PPM1B: variants seen among roughly 807,000 people sequenced by gnomAD.
PPM1B encodes protein phosphatase 1B.
Under a neutral mutation model 43.0 loss-of-function variants are expected in PPM1B, and 22 were observed. That is an observed-to-expected ratio of 0.51 (90% CI 0.37 to 0.73). The LOEUF (loss-of-function observed/expected upper bound fraction) is 0.73, where lower values mean the gene tolerates loss of function less well. Among genes scored for constraint, PPM1B ranks in the 30% least tolerant of loss-of-function variants. The pLI is 0.00. For synonymous variants in PPM1B, 217 were observed against 197.9 expected (o/e 1.10, Z -0.81); for missense variants, 632 against 584.2 (o/e 1.08, Z -0.84).
intron 3 of PPM1B, among the ~76,000 whole-genome samples, chr2:44,217,249 A>G (rs1223552676): frequency 6.6e-6 from 1 of 151,952 alleles, no homozygotes; most frequent in Non-Finnish European, 1.5e-5. Context: ...AAAATACAAA[A>G]TTAGCCAGGC....
At chr2:44,179,730 C>G (rs995600858) in intron 1 of PPM1B, among the ~76,000 whole-genome samples, 1 of 151,970 alleles carries the variant, frequency 6.6e-6, no homozygotes, top group Non-Finnish European at 1.5e-5. Flanking sequence ...TTAACCTGGC[C>G]GGGCATGGTG....
chr2:44,191,991 T>TG (rs1484752223), intron 1 of PPM1B, among the ~76,000 whole-genome samples: 1 of 152,104 alleles, frequency 6.6e-6, no homozygotes, highest in Non-Finnish European at 1.5e-5. Flanking sequence ...CTCTAATAGC[T>TG]GTTAGTTTCA....
intron 1 of PPM1B, among the ~76,000 whole-genome samples, chr2:44,190,009 T>C (rs1369844630): frequency 2.6e-5 from 4 of 152,236 alleles, no homozygotes; most frequent in Non-Finnish European, 2.9e-5. Context: ...ATGTGGATTA[T>C]ATCGTGTGAA....
intron 1 of PPM1B, among the ~76,000 whole-genome samples, chr2:44,187,361 G>C (rs1668173250): frequency 6.6e-6 from 1 of 152,114 alleles, no homozygotes; most frequent in Non-Finnish European, 1.5e-5. Flanking sequence ...GCATAATATG[G>C]GTACTACGAT....
chr2:44,188,162 G>C (rs761366096), intron 1 of PPM1B, among the ~76,000 whole-genome samples: 5 of 152,168 alleles, frequency 3.3e-5, no homozygotes, highest in Non-Finnish European at 5.9e-5. Context: ...TTGTTTTTAA[G>C]AAGGGGGATG....
chr2:44,179,744 C>T (rs560773843), intron 1 of PPM1B, among the ~76,000 whole-genome samples: 31 of 152,186 alleles, frequency 2.0e-4, no homozygotes, highest in Non-Finnish European at 3.1e-4. Context: ...CATGGTGGCT[C>T]ATGCCTGTAA....
chr2:44,220,455 G>T (rs1329687125), intron 5 of PPM1B, among the ~76,000 whole-genome samples: 4 of 152,064 alleles, frequency 2.6e-5, no homozygotes, highest in Non-Finnish European at 5.9e-5. Context: ...GGGGGGAAAT[G>T]CTCAATATAT....
intron 1 of PPM1B, among the ~76,000 whole-genome samples, chr2:44,187,298 A>T: frequency 6.6e-6 from 1 of 152,032 alleles, no homozygotes; most frequent in African/African-American, 2.4e-5. Flanking sequence ...CATTTTGTTT[A>T]TCCATTCGTT....
chr2:44,227,369 T>C (rs925399049), intron 5 of PPM1B, among the ~76,000 whole-genome samples: 1 of 152,126 alleles, frequency 6.6e-6, no homozygotes, highest in Non-Finnish European at 1.5e-5. Flanking sequence ...AATTGGAAAA[T>C]TCAAAGAAAA....
At chr2:44,181,596 A>G (rs189856157) in intron 1 of PPM1B, among the ~76,000 whole-genome samples, 1 of 152,314 alleles carries the variant, frequency 6.6e-6, no homozygotes, top group Admixed American at 6.5e-5. Flanking sequence ...AACAAGATTG[A>G]TGGAACATAG....
Position 44,201,477 on chromosome 2 carries a change from C to G in PPM1B, c.278C>G (p.Ser93Cys), listed in dbSNP as rs938317100. ...EDFRAAGKSG[S>C]ALELSVENVK... ...TTTAGGGCAGCTGGAAAATCAGGATCTGCTCTTGAGCTTTCAGTGGAAAAT... is the reference window on the plus strand; with the variant it reads ...TTTAGGGCAGCTGGAAAATCAGGATGTGCTCTTGAGCTTTCAGTGGAAAAT... The change falls in exon 2 of 6, where the codon TCT becomes TGT. Residue 93 changes from serine (S) to cysteine (C), a missense_variant. By Grantham distance (112) the Ser-to-Cys change is moderately radical. Around this residue, in one of 3 missense-constraint regions of PPM1B, gnomAD observed 200 missense variants for 200.7 expected, o/e 1.00. Transcript: ENST00000282412. This position sits in a 1 kb window ranked among gnomAD's most constrained non-coding sequence, Gnocchi z 5.4. The G allele has an allele frequency of 1.2e-6, 2 of 1,614,080 alleles. No homozygotes were observed. Among genetic ancestry groups the G allele is most frequent in the Non-Finnish European group, 1.7e-6 (2 of 1,180,024 alleles).
At chr2:44,190,311 C>T (rs1668350659) in intron 1 of PPM1B, among the ~76,000 whole-genome samples, 1 of 151,972 alleles carries the variant, frequency 6.6e-6, no homozygotes, top group Non-Finnish European at 1.5e-5. Flanking sequence ...CCCGCCACCA[C>T]ATCCAGCTAG....
At chr2:44,181,404 C>T (rs779766805) in intron 1 of PPM1B, among the ~76,000 whole-genome samples, 4 of 152,282 alleles carry the variant, frequency 2.6e-5, no homozygotes, top group Non-Finnish European at 5.9e-5. Flanking sequence ...GTGTAAAAAA[C>T]CACTGCATCT....
intron 1 of PPM1B, among the ~76,000 whole-genome samples, chr2:44,186,327 A>G (rs564558611): frequency 4.1e-4 from 62 of 152,296 alleles, no homozygotes; most frequent in Non-Finnish European, 7.6e-4. Context: ...CATCAGTTAA[A>G]TTTTGAAGAT....
intron 1 of PPM1B, among the ~76,000 whole-genome samples, chr2:44,196,572 TG>T (rs1455940974): frequency 1.3e-5 from 2 of 152,216 alleles, no homozygotes; most frequent in Non-Finnish European, 2.9e-5. Flanking sequence ...TCCACCCTTA[TG>T]GGGTGGGAAG....
chr2:44,211,138 GA>G (rs998042254), intron 3 of PPM1B, among the ~76,000 whole-genome samples: 6 of 151,218 alleles, frequency 4.0e-5, no homozygotes, highest in East Asian at 1.9e-4. Context: ...TCCATCTCGG[GA>G]AAAAAAAATT....
chr2:44,191,825 C>A (rs1007399537), intron 1 of PPM1B, among the ~76,000 whole-genome samples: 1 of 152,048 alleles, frequency 6.6e-6, no homozygotes, highest in African/African-American at 2.4e-5. Context: ...CTTATTTTTT[C>A]CCCTTTTTTC....
At chr2:44,236,200 A>C (rs1215616898), downstream of PPM1B, among the ~76,000 whole-genome samples, 1 of 152,012 alleles carries the variant, frequency 6.6e-6, no homozygotes, top group Admixed American at 6.6e-5. Context: ...GTTTGAGACC[A>C]GCCTGGCTAA....
chr2:44,242,371 T>C (rs1670768699), intron 5 of PPM1B, among the ~76,000 whole-genome samples: 2 of 152,164 alleles, frequency 1.3e-5, no homozygotes, highest in South Asian at 2.1e-4. Context: ...TTTAAAGATA[T>C]TGGGAAAAGG....
Sources: allele counts gnomAD v4.1 joint callset (sites outside exome capture counted in the v4.1 genomes callset), GRCh38; gene constraint gnomAD v4.1.1; regional missense constraint gnomAD v4.1.1; non-coding constraint Gnocchi (gnomAD v3.1); transcripts MANE v1.5; gene names NCBI Gene and HGNC (gene_info 2026-07-23, HGNC 2026-07-21).